The following TRIP12 variants were observed in gnomAD, a reference collection of about 807,000 sequenced individuals.
The protein encoded by TRIP12 is E3 ubiquitin-protein ligase TRIP12.
Under a neutral mutation model 244.2 loss-of-function variants are expected in TRIP12, and 25 were observed. The ratio of observed to expected loss-of-function variants is 0.10; its 90% CI spans 0.07 to 0.14. The LOEUF (loss-of-function observed/expected upper bound fraction) is 0.14. Ranked by LOEUF, TRIP12 falls within the 10% of genes least tolerant of loss-of-function variation. The pLI is 1.00. For synonymous variants in TRIP12, 905 were observed against 873.1 expected, an observed-to-expected ratio of 1.04 and a Z score of -0.64; for missense variants, 1,677 against 2,486.4, an observed-to-expected ratio of 0.67 and a Z score of 6.92.
At chr2:229,861,339 T>C (rs370872858) in intron 2 of TRIP12, among the ~76,000 whole-genome samples, 12 of 152,292 alleles carry the variant, frequency 7.9e-5, no homozygotes, top group African/African-American at 2.9e-4. Context: ...TGGGGAATGG[T>C]TACATGAGAT....
rs148214834 is a variant in TRIP12 at position 229,842,889 on chromosome 2, T to C, written c.1028-1962A>G. Reference sequence around the variant, plus strand: ...CTGTTTCTTTTACACTGTCTTCAACTATAACTTAAATGTGATAATAATATA... The same window carrying C: ...CTGTTTCTTTTACACTGTCTTCAACCATAACTTAAATGTGATAATAATATA... On this transcript the variant is annotated intron_variant, in intron 4 of 41. Coordinates refer to ENST00000675903, the MANE Select transcript of TRIP12 (RefSeq NM_001348323.3). 3.9e-5 allele frequency among the ~76,000 whole-genome samples: 6 copies of C among 152,352 alleles called. No homozygotes were observed. In the East Asian group the frequency reaches 1.2e-3, roughly 29 times the overall value.
intron 4 of TRIP12, among the ~76,000 whole-genome samples, chr2:229,845,303 G>GT (rs1454156854): frequency 6.6e-6 from 1 of 152,126 alleles, no homozygotes; most frequent in Non-Finnish European, 1.5e-5. Flanking sequence ...AATTCAGACC[G>GT]TAAGTCATTA....
chr2:229,864,041 AGAGAGAGTGTGTGTGTGT>A (rs1245096846), intron 2 of TRIP12, among the ~76,000 whole-genome samples: 16 of 71,680 alleles, frequency 2.2e-4, no homozygotes, highest in African/African-American at 8.4e-4. Flanking sequence ...AGAGAGAGAG[AGAGAGAGTGTGTGTGTGT>A]GTGTGTGTGT....
At chr2:229,792,512 A>G (rs530887423) in intron 27 of TRIP12, among the ~76,000 whole-genome samples, 1 of 152,364 alleles carries the variant, frequency 6.6e-6, no homozygotes, top group African/African-American at 2.4e-5. Context: ...AGTATTTTCA[A>G]TAATTTTGTG....
At chr2:229,894,872 C>T (rs1293718329) in intron 1 of TRIP12, among the ~76,000 whole-genome samples, 1 of 152,176 alleles carries the variant, frequency 6.6e-6, no homozygotes, top group Admixed American at 6.5e-5. Flanking sequence ...AACTTCTCTG[C>T]CAGTCTGAGA....
intron 9 of TRIP12, among the ~76,000 whole-genome samples, chr2:229,817,640 C>T (rs151334158): frequency 4.7e-4 from 72 of 152,214 alleles, no homozygotes; most frequent in Non-Finnish European, 6.3e-4. Context: ...AGTGCAGTGG[C>T]GCGATCTTGG....
At chr2:229,780,852 G>A (rs1265951834) in intron 34 of TRIP12, among the ~76,000 whole-genome samples, 2 of 152,098 alleles carry the variant, frequency 1.3e-5, no homozygotes, top group African/African-American at 4.8e-5. Context: ...CATGGGGGTG[G>A]GAGTACTTTG....
intron 6 of TRIP12, among the ~76,000 whole-genome samples, chr2:229,834,958 C>A (rs1414936239): frequency 6.6e-6 from 1 of 152,144 alleles, no homozygotes. Context: ...CAAGTACTAT[C>A]CGAAAACGTT....
rs1247081356 is a variant in TRIP12, at chr2:229,810,993, A to T, written c.2108T>A (p.Leu703Gln). Reference sequence around the variant, plus strand: ...TAAAATGGGTGGAGTCACTACCAACAGCTGTTGAACATTTGTAAGCAGATC... The same window carrying T: ...TAAAATGGGTGGAGTCACTACCAACTGCTGTTGAACATTTGTAAGCAGATC... ...SKDLLTNVQQLLVVTPPILSS... is the reference protein window; with the variant it reads ...SKDLLTNVQQQLVVTPPILSS... The change falls in exon 15 of 42, where the codon CTG becomes CAG. Residue 703 changes from leucine to glutamine, a missense_variant. Around this residue, in one of 11 missense-constraint regions of TRIP12, gnomAD observed 572 missense variants for 867.8 expected, o/e 0.66. Coordinates refer to ENST00000675903, the MANE Select transcript of TRIP12 (RefSeq NM_001348323.3). 6.2e-7 allele frequency: 1 copy of T among 1,614,152 alleles called. No individual in the cohort carries two copies. Among genetic ancestry groups the T allele is most frequent in the Non-Finnish European group, 8.5e-7 (1 of 1,179,998 alleles).
chr2:229,803,039 A>G lies in TRIP12; in HGVS notation c.2998+532T>C, dbSNP rs988762418. ...TGAAGGAGTGTGACTAAGAACTATC[A>G]AATTGTATACCAATATGCATGTCTG... On this transcript the variant is annotated intron_variant, in intron 20 of 41. Transcript: ENST00000675903. Among the ~76,000 whole-genome samples the G allele has an allele frequency of 4.6e-5, 7 of 152,360 alleles. No homozygotes were observed. The East Asian group carries it at 1.3e-3, about 29-fold the overall frequency.
intron 2 of TRIP12, among the ~76,000 whole-genome samples, chr2:229,872,820 T>C (rs1056257142): frequency 6.6e-6 from 1 of 152,200 alleles, no homozygotes; most frequent in Admixed American, 6.5e-5. Flanking sequence ...TCCTAACCAG[T>C]GTATGTCATT....
At chr2:229,860,154 G>T (rs1359138085) in intron 3 of TRIP12, among the ~76,000 whole-genome samples, 1 of 152,018 alleles carries the variant, frequency 6.6e-6, no homozygotes, top group African/African-American at 2.4e-5. Flanking sequence ...GGCCATAATG[G>T]TTTGTTAAGC....
At chr2:229,799,146 CT>C in intron 22 of TRIP12, 97 bp from the exon 23 acceptor site, 1 of 1,534,440 alleles carries the variant, frequency 6.5e-7, no homozygotes, top group Non-Finnish European at 8.9e-7. Context: ...GATTAATTAA[CT>C]GAAAGAACTA....
chr2:229,869,055 C>G (rs1023680140), intron 2 of TRIP12, among the ~76,000 whole-genome samples: 1 of 152,314 alleles, frequency 6.6e-6, no homozygotes, highest in African/African-American at 2.4e-5. Context: ...ATCTGAATAT[C>G]TGAATGTGCA....
chr2:229,787,355 C>A, intron 33 of TRIP12, 150 bp downstream of exon 33: 1 of 643,192 alleles, frequency 1.6e-6, no homozygotes, highest in Non-Finnish European at 2.4e-6. Flanking sequence ...AATCACAGCC[C>A]AGTTCCAAGA....
chr2:229,858,025 ATAACT>A lies in TRIP12; in HGVS notation c.1027+742_1027+746del, dbSNP rs976423563. On this transcript the variant is annotated intron_variant, in intron 4 of 41. Transcript: ENST00000675903. ...TTTACATTGAGGTATATTTATAGTA[ATAACT>A]TAATTCACTGTATCTACACATCAAG... 4.2e-4 allele frequency among the ~76,000 whole-genome samples: 64 copies of A among 152,342 alleles called. 1 individual carries two copies. Among genetic ancestry groups the A allele is most frequent in the African/African-American group, 1.5e-3 (61 of 41,576 alleles).
At chr2:229,830,709 G>A (rs2053122292) in intron 7 of TRIP12, 47 bp downstream of exon 7, 6 of 1,497,346 alleles carry the variant, frequency 4.0e-6, no homozygotes, top group African/African-American at 2.8e-5. Flanking sequence ...GGTATTAACA[G>A]GTAGCTCATG....
intron 2 of TRIP12, among the ~76,000 whole-genome samples, chr2:229,862,011 T>A (rs2060553909): frequency 1.3e-5 from 2 of 152,276 alleles, no homozygotes; most frequent in East Asian, 3.9e-4. Flanking sequence ...AGCTGAACTT[T>A]GTAAGATTTT....
At chr2:229,779,600 T>C (rs563439532) in intron 34 of TRIP12, among the ~76,000 whole-genome samples, 11 of 152,234 alleles carry the variant, frequency 7.2e-5, no homozygotes, top group Non-Finnish European at 1.0e-4. Flanking sequence ...TAATGGAAGG[T>C]CTGATTCCAC....
Sources: allele counts gnomAD v4.1 joint callset (sites outside exome capture counted in the v4.1 genomes callset), GRCh38; gene constraint gnomAD v4.1.1; regional missense constraint gnomAD v4.1.1; transcripts MANE v1.5; gene names NCBI Gene and HGNC (gene_info 2026-07-23, HGNC 2026-07-21).